The following GGPS1 variants were observed in gnomAD, a reference collection of about 807,000 sequenced individuals.
The protein encoded by GGPS1 is geranylgeranyl pyrophosphate synthase.
A neutral mutation model predicts 28.1 loss-of-function variants in GGPS1; 15 were observed. The observed-to-expected ratio is 0.53, with a 90% CI of 0.36 to 0.82. The LOEUF is 0.82. Among genes scored for constraint, GGPS1 ranks in the 40% least tolerant of loss-of-function variants. GGPS1 has a pLI of 0.01. For missense variants in GGPS1, 284 were observed against 348.3 expected, an observed-to-expected ratio of 0.82 and a Z score of 1.47; for synonymous variants, 138 against 122.4, an observed-to-expected ratio of 1.13 and a Z score of -0.84.
rs1357220326 is a variant in GGPS1, at chr1:235,343,867, TCTTAC to T, written c.*1100_*1104del. ...AGTGACAATCTTAAAAGGGTTGTTT[TCTTAC>T]CTTAAGTACAAAAGCATGGAAAAAT... On this transcript the variant is annotated 3_prime_UTR_variant, in exon 4 of 4. Coordinates refer to ENST00000282841, the MANE Select transcript of GGPS1 (RefSeq NM_004837.4). 6.0e-6 allele frequency: 1 copy of T among 166,946 alleles called. No homozygotes were observed. The highest frequency in any genetic ancestry group is 1.5e-5 in the Non-Finnish European group (1 of 68,094). 10.3% of individuals were successfully genotyped at this position (166,946 alleles called of 1,614,324 possible).
rs1675533346 is a variant in GGPS1 at position 235,328,575 on chromosome 1, G to A, written c.-227G>A. The A allele has an allele frequency of 6.5e-6, 1 of 152,916 alleles. No homozygotes were observed. Among genetic ancestry groups the A allele is most frequent in the South Asian group, 2.0e-4 (1 of 4,912 alleles). 9.5% of individuals were successfully genotyped at this position (152,916 alleles called of 1,614,324 possible). On this transcript the variant is annotated 5_prime_UTR_variant, in exon 1 of 4. Transcript: ENST00000282841. The stretch of plus-strand genomic sequence containing the variant: ...GGCGGCAACGACGCCTGCGCAGTGT[G>A]ACCGGGATGGCGCATTTTCTTGCAC...
rs757507412 is a variant in GGPS1, at chr1:235,342,712, C to T, written c.843C>T (p.Asn281=). The change falls in exon 4 of 4, where the codon AAC becomes AAT. Residue 281 remains asparagine (N), a synonymous_variant. Coordinates refer to ENST00000282841, the MANE Select transcript of GGPS1 (RefSeq NM_004837.4). ...AACAGATTGATGCACGTGGTGGGAA[C>T]CCTGAGCTAGTAGCCTTAGTAAAAC... is the stretch of plus-strand genomic sequence containing the variant. ...AYKQIDARGG[N]PELVALVKHL... The T allele has an allele frequency of 2.5e-6, 4 of 1,607,234 alleles. No homozygotes were observed. The South Asian group carries it at 4.5e-5, about 18-fold the overall frequency.
At chr1:235,339,685 AG>A (rs1452460578) in intron 2 of GGPS1, among the ~76,000 whole-genome samples, 2 of 148,356 alleles carry the variant, frequency 1.3e-5, no homozygotes, top group Admixed American at 1.4e-4. Context: ...GCTTGAACCC[AG>A]GGGGCGGAGG....
At position 235,335,461 on chromosome 1, in the gene GGPS1, A is replaced by T. The variant is rs567854180; in HGVS notation, c.70+127A>T. 5.7e-6 allele frequency: 3 copies of T among 529,824 alleles called. No individual in the cohort carries two copies. In the East Asian group the frequency reaches 9.9e-5, roughly 18 times the overall value. 32.8% of individuals were successfully genotyped at this position (529,824 alleles called of 1,614,324 possible). A position where few individuals can be genotyped will look rare whatever the true frequency, so the allele number is the denominator to read the frequency against. On this transcript the variant is annotated intron_variant, in intron 2 of 3. Transcript: ENST00000282841. ...TTCTATTTAAGGTGATGCGTATGAG[A>T]AAAATGATAAATAGAACATTATAAT...
intron 2 of GGPS1, among the ~76,000 whole-genome samples, chr1:235,338,009 A>G (rs546887437): frequency 6.6e-6 from 1 of 152,186 alleles, no homozygotes; most frequent in South Asian, 2.1e-4. Context: ...GAGAGACAAT[A>G]ATGTTTAGAT....
Position 235,342,131 on chromosome 1 carries a change from G to T in GGPS1, c.262G>T (p.Val88Phe). The stretch of plus-strand genomic sequence containing the variant: ...CCACAGCATCTATGGAATCCCATCT[G>T]TCATCAATTCTGCCAATTACGTGTA... ...VAHSIYGIPS[V>F]INSANYVYFL... Residue 88 changes from valine to phenylalanine, a missense_variant, in exon 4 of 4, where the codon GTC (valine) becomes TTC (phenylalanine). By Grantham distance (50) the Val-to-Phe change is conservative (BLOSUM62 -1). Coordinates refer to ENST00000282841, the MANE Select transcript of GGPS1 (RefSeq NM_004837.4). 6.2e-7 allele frequency: 1 copy of T among 1,614,142 alleles called. No individual in the cohort carries two copies.
Position 235,342,666 on chromosome 1 carries a change from A to T in GGPS1, c.797A>T (p.Glu266Val). ...SFEYTRNTLK[E>V]LEAKAYKQID... ...GAATACACTCGTAATACCCTTAAAG[A>T]GCTTGAAGCTAAAGCCTATAAACAG... Residue 266 changes from glutamate to valine, a missense_variant, in exon 4 of 4, where the codon GAG becomes GTG. Glu to Val is a moderately radical substitution (Grantham distance 121). Transcript: ENST00000282841. 1.9e-6 allele frequency: 3 copies of T among 1,610,946 alleles called. No individual in the cohort carries two copies. Among genetic ancestry groups the T allele is most frequent in the Non-Finnish European group, 2.5e-6 (3 of 1,177,082 alleles).
At chr1:235,337,130 A>C (rs1221856112) in intron 2 of GGPS1, 1 of 157,024 alleles carries the variant, frequency 6.4e-6, no homozygotes, top group East Asian at 1.9e-4. Flanking sequence ...CCCAGCTCTT[A>C]CTGCCAGACA....
At chr1:235,336,640 T>C (rs1675879451) in intron 2 of GGPS1, among the ~76,000 whole-genome samples, 1 of 150,810 alleles carries the variant, frequency 6.6e-6, no homozygotes, top group Admixed American at 6.6e-5. Flanking sequence ...TAAACATTTT[T>C]TAAAAAAGAA....
intron 1 of GGPS1, among the ~76,000 whole-genome samples, chr1:235,330,986 T>G (rs560654201): frequency 2.4e-4 from 36 of 152,344 alleles, no homozygotes; most frequent in Non-Finnish European, 4.3e-4. Flanking sequence ...ATTCTTCCTG[T>G]TTTGCATCTT....
intron 2 of GGPS1, chr1:235,336,686 C>G (rs551151030): frequency 2.9e-4 from 44 of 152,236 alleles, no homozygotes; most frequent in African/African-American, 7.5e-4. Context: ...ATTTGACAAG[C>G]ATAAAAACCT....
chr1:235,339,025 C>T (rs964917755), intron 2 of GGPS1, among the ~76,000 whole-genome samples: 6 of 151,836 alleles, frequency 4.0e-5, no homozygotes, highest in African/African-American at 9.7e-5. Flanking sequence ...ATTGGCCGGG[C>T]GCGGTAGCTC....
rs998442726 is a variant in GGPS1, at chr1:235,330,187, TAAG to T, written c.-24+1414_-24+1416del. On this transcript the variant is annotated intron_variant, in intron 1 of 3. Coordinates refer to ENST00000282841, the MANE Select transcript of GGPS1 (RefSeq NM_004837.4). ...CGGTGTGTAGAATCCTTTAGACTCT[TAAG>T]AAGACACAAGGCGGCTGGGCGTGGT... The T allele has an allele frequency of 4.6e-5, 7 of 152,106 alleles. No individual in the cohort carries two copies. The East Asian group carries it at 9.6e-4, about 21-fold the overall frequency. The allele number at this position is 152,106 out of a possible 1,614,324, so 9.4% of individuals were successfully genotyped here.
intron 1 of GGPS1, among the ~76,000 whole-genome samples, chr1:235,331,292 G>A (rs1675707833): frequency 6.6e-6 from 1 of 152,058 alleles, no homozygotes; most frequent in Admixed American, 6.6e-5. Context: ...TCTTTTTTAT[G>A]ATTGTTTCAT....
At chr1:235,340,735 C>CAAAAAAAA (rs1165162184) in intron 2 of GGPS1, among the ~76,000 whole-genome samples, 4 of 50,980 alleles carry the variant, frequency 7.8e-5, no homozygotes, top group Admixed American at 5.7e-4. Context: ...GACTCCGTCT[C>CAAAAAAAA]AAAAAAAAAA....
chr1:235,340,902 C>A, intron 2 of GGPS1, among the ~76,000 whole-genome samples: 1 of 151,886 alleles, frequency 6.6e-6, no homozygotes, highest in East Asian at 1.9e-4. Flanking sequence ...GCAGAGCTTC[C>A]CCATCTCTAA....
intron 2 of GGPS1, among the ~76,000 whole-genome samples, chr1:235,338,353 G>C (rs1417325341): frequency 6.6e-6 from 1 of 151,626 alleles, no homozygotes; most frequent in South Asian, 2.1e-4. Context: ...CTGCACCCCA[G>C]CCTGGGTGAT....
chr1:235,333,956 A>G (rs1675794258), intron 1 of GGPS1, among the ~76,000 whole-genome samples: 1 of 152,226 alleles, frequency 6.6e-6, no homozygotes, highest in South Asian at 2.1e-4. Flanking sequence ...TAATATGAGG[A>G]CAAGTAATAA....
At chr1:235,334,785 T>G (rs1448569524) in intron 1 of GGPS1, among the ~76,000 whole-genome samples, 1 of 152,198 alleles carries the variant, frequency 6.6e-6, no homozygotes, top group Admixed American at 6.5e-5. Context: ...TCGCCCAGGC[T>G]GGAGTGCAGT....
Sources: allele counts gnomAD v4.1 joint callset (sites outside exome capture counted in the v4.1 genomes callset), GRCh38; gene constraint gnomAD v4.1.1; transcripts MANE v1.5; gene names NCBI Gene and HGNC (gene_info 2026-07-23, HGNC 2026-07-21).